Variants in DMXL2 observed in about 807,000 individuals in gnomAD.
DMXL2 encodes the protein Dmx like 2.
In DMXL2, 103 loss-of-function variants were observed where a neutral mutation model predicts 331.1. The ratio of observed to expected loss-of-function variants is 0.31; its 90% CI spans 0.27 to 0.37. The LOEUF is 0.37. Ranked by LOEUF, DMXL2 falls within the 10% of genes least tolerant of loss-of-function variation. The pLI, the probability that DMXL2 is intolerant of heterozygous loss-of-function variation, is 1.00. For synonymous variants in DMXL2, 1,281 were observed against 1,252.1 expected (o/e 1.02, Z -0.49); for missense variants, 3,171 against 3,642.9 (o/e 0.87, Z 3.33).
chr15:51,462,312 C>T lies in DMXL2; in HGVS notation c.7926+1067G>A, dbSNP rs117564048. Among the ~76,000 whole-genome samples the T allele has an allele frequency of 9.2e-3, 1,396 of 152,146 alleles. 58 individuals carry two copies. The East Asian group carries it at 0.13, about 14-fold the overall frequency. The stretch of plus-strand genomic sequence containing the variant: ...CTAAGCGAAATATAATTCATTTCTT[C>T]TCTTCTCATTGATTGTGTTTGCCAA... On this transcript the variant is annotated intron_variant, in intron 33 of 43. Coordinates refer to ENST00000560891, the MANE Select transcript of DMXL2 (RefSeq NM_001378457.1).
At chr15:51,557,174 A>G (rs1367374638) in intron 6 of DMXL2, among the ~76,000 whole-genome samples, 1 of 152,210 alleles carries the variant, frequency 6.6e-6, no homozygotes, top group African/African-American at 2.4e-5. Context: ...GAATTATTAG[A>G]ATTAATGAGT....
At position 51,542,472 on chromosome 15, in the gene DMXL2, C is replaced by T; in HGVS notation, c.966G>A (p.Gln322=). 1 of 1,613,466 alleles carries T rather than the reference C, an allele frequency of 6.2e-7. No individual in the cohort carries two copies. The highest frequency in any genetic ancestry group is 8.5e-7 in the Non-Finnish European group (1 of 1,179,610). Reference sequence around the variant, plus strand: ...GAGTTACAAGAACAGATGACCTCCTCTGTCCTTTCCTTAAATTTTTCAAAT... The same window carrying T: ...GAGTTACAAGAACAGATGACCTCCTTTGTCCTTTCCTTAAATTTTTCAAAT... ...IHHLKNLRKG[Q]RRSSVLVTHA... is the part of the protein sequence containing the mutation. Residue 322 remains glutamine (Q), a synonymous_variant, in exon 9 of 44, where the codon CAG becomes CAA. Transcript: ENST00000560891.
In DMXL2 at chr15:51,456,208, A is replaced by G. The variant is rs559890629; in HGVS notation, c.8399-15T>C. On this transcript the variant is annotated splice_polypyrimidine_tract_variant and intron_variant, in intron 38 of 43. Transcript: ENST00000560891. ...ACCTGTAAGATCTGAAACACAAGAG[A>G]AAAAGCAGGAAATAAGAAATTAAAG... is the stretch of plus-strand genomic sequence containing the variant. 25 of 1,604,678 alleles carry G rather than the reference A, an allele frequency of 1.6e-5. No individual in the cohort carries two copies. In the African/African-American group the frequency reaches 3.0e-4, roughly 19 times the overall value.
intron 33 of DMXL2, among the ~76,000 whole-genome samples, chr15:51,461,985 C>T (rs1048657409): frequency 6.6e-6 from 1 of 152,310 alleles, no homozygotes; most frequent in East Asian, 1.9e-4. Context: ...AACAAAGTCA[C>T]ATCAATAATT....
At chr15:51,540,750 T>C (rs771554305) in intron 9 of DMXL2, among the ~76,000 whole-genome samples, 1 of 152,182 alleles carries the variant, frequency 6.6e-6, no homozygotes, top group Non-Finnish European at 1.5e-5. Context: ...TAAAAATGCA[T>C]GATGTTAAAC....
intron 13 of DMXL2, among the ~76,000 whole-genome samples, chr15:51,519,447 T>A (rs1475969200): frequency 6.6e-5 from 10 of 151,794 alleles, no homozygotes; most frequent in African/African-American, 2.4e-4. Context: ...AACATCAAAG[T>A]AGTTAAAAAA....
In DMXL2 at chr15:51,547,399, G is replaced by C; in HGVS notation, c.577C>G (p.Leu193Val). ...GTCATAGGATACCACACTTTCAAAAGACAATCATCCTGAAAAATACATAGG... is the reference window on the plus strand; with the variant it reads ...GTCATAGGATACCACACTTTCAAAACACAATCATCCTGAAAAATACATAGG... The part of the protein sequence containing the change: ...YFATAGKDDC[L>V]LKVWYPMTGW... The change falls in exon 7 of 44, where the codon CTT becomes GTT. Residue 193 changes from leucine (L) to valine (V), a missense_variant. Coordinates refer to ENST00000560891, the MANE Select transcript of DMXL2 (RefSeq NM_001378457.1). 6.3e-7 allele frequency: 1 copy of C among 1,580,592 alleles called. No homozygotes were observed. The highest frequency in any genetic ancestry group is 1.7e-4 in the Middle Eastern group (1 of 5,882).
chr15:51,561,607 A>G (rs921002328), intron 6 of DMXL2, among the ~76,000 whole-genome samples: 4 of 152,242 alleles, frequency 2.6e-5, no homozygotes, highest in African/African-American at 7.2e-5. Flanking sequence ...GCCAGTGGTT[A>G]TGGAAAACAG....
chr15:51,476,791 A>G (rs2041622142), intron 26 of DMXL2, 72 bp from the exon 27 acceptor site: 1 of 1,247,582 alleles, frequency 8.0e-7, no homozygotes, highest in African/African-American at 1.6e-5. Flanking sequence ...TATATCATCT[A>G]TTTTAGACAC....
At chr15:51,583,063 G>T in intron 1 of DMXL2, among the ~76,000 whole-genome samples, 1 of 145,640 alleles carries the variant, frequency 6.9e-6, no homozygotes. Flanking sequence ...AATGTATCTT[G>T]AAGAACTTTC....
At chr15:51,471,178 AGAT>A (rs2041074023) in intron 29 of DMXL2, 42 bp downstream of exon 29, 1 of 1,552,344 alleles carries the variant, frequency 6.4e-7, no homozygotes, top group East Asian at 2.3e-5. Flanking sequence ...TTAATAAAAT[AGAT>A]GATAGACTTC....
At position 51,464,583 on chromosome 15, in the gene DMXL2, G is replaced by C. The variant is rs915278311; in HGVS notation, c.7808+92C>G. On this transcript the variant is annotated intron_variant, in intron 32 of 43. Coordinates refer to ENST00000560891, the MANE Select transcript of DMXL2 (RefSeq NM_001378457.1). ...AATAGGACTGCAGGTTCAAAATTAT[G>C]AATGTTTTAAAGTATATTGGCATAT... is the stretch of plus-strand genomic sequence containing the variant. 5.8e-6 allele frequency: 6 copies of C among 1,035,006 alleles called. No homozygotes were observed. The African/African-American group carries it at 9.7e-5, about 17-fold the overall frequency. 64.1% of individuals were successfully genotyped at this position (1,035,006 alleles called of 1,614,324 possible). A position where few individuals can be genotyped will look rare whatever the true frequency, so the allele number is the denominator to read the frequency against.
intron 1 of DMXL2, among the ~76,000 whole-genome samples, chr15:51,616,352 GA>G (rs1295561670): frequency 2.0e-5 from 3 of 148,294 alleles, no homozygotes; most frequent in Non-Finnish European, 3.0e-5. Flanking sequence ...GCAGGCAAAC[GA>G]AAAAAAAAGA....
chr15:51,475,580 T>C (rs1375517891), intron 27 of DMXL2, among the ~76,000 whole-genome samples: 1 of 151,362 alleles, frequency 6.6e-6, no homozygotes, highest in Non-Finnish European at 1.5e-5. Context: ...AAAAAACAAC[T>C]GGCTGGTACT....
chr15:51,499,807 G>C lies in DMXL2; in HGVS notation c.3417C>G (p.Val1139=), dbSNP rs781265935. 1 of 1,614,030 alleles carries C rather than the reference G, an allele frequency of 6.2e-7. No homozygotes were observed. Among genetic ancestry groups the C allele is most frequent in the Admixed American group, 1.7e-5 (1 of 60,008 alleles). The change falls in exon 18 of 44, where the codon GTC becomes GTG. Residue 1139 remains valine (V), a synonymous_variant. Transcript: ENST00000560891. ...VKVGSVLDSR[V]SVDSNLFVYS... ...ACACAAACAGATTACTGTCGACGCTGACCCTTGAATCAAGTACACTCCCAA... is the reference window on the plus strand; with the variant it reads ...ACACAAACAGATTACTGTCGACGCTCACCCTTGAATCAAGTACACTCCCAA...
chr15:51,464,703 T>C lies in DMXL2; in HGVS notation c.7780A>G (p.Met2594Val), dbSNP rs1274403478. 4.3e-6 allele frequency: 7 copies of C among 1,614,154 alleles called. No homozygotes were observed. Among genetic ancestry groups the C allele is most frequent in the Admixed American group, 3.3e-5 (2 of 60,032 alleles). ...AGPAILRNKA[M>V]LEPENTPFKS... ...AATGGGGTATTTTCAGGTTCTAGCA[T>C]TGCTTTATTTCGAAGAATAGCTGGT... Residue 2594 changes from methionine (M) to valine (V), a missense_variant, in exon 32 of 44, where the codon ATG (methionine) becomes GTG (valine). Physicochemically the swap from Met to Val is conservative, Grantham distance 21 (BLOSUM62 1). Around this residue, in one of 7 missense-constraint regions of DMXL2, gnomAD observed 766 missense variants for 940.5 expected, o/e 0.81. Transcript: ENST00000560891.
chr15:51,452,822 G>A (rs895003430), intron 41 of DMXL2, among the ~76,000 whole-genome samples: 2 of 152,160 alleles, frequency 1.3e-5, no homozygotes, highest in Non-Finnish European at 2.9e-5. Context: ...ATTCACAATT[G>A]CAAAACTATG....
rs569849948 is a variant in DMXL2 at position 51,533,834 on chromosome 15, G to C, written c.2436+1829C>G. On this transcript the variant is annotated intron_variant, in intron 13 of 43. Transcript: ENST00000560891. ...ACTGCTAGGCTCTTTCTTCAGACCT[G>C]CCTATTTATCATATTAATAACTGAC... is the stretch of plus-strand genomic sequence containing the variant. 3.3e-5 allele frequency among the ~76,000 whole-genome samples: 5 copies of C among 152,264 alleles called. No individual in the cohort carries two copies. In the South Asian group the frequency reaches 1.0e-3, roughly 32 times the overall value.
chr15:51,487,932 T>C lies in DMXL2; in HGVS notation c.5217+22A>G, dbSNP rs781583661. 2.9e-5 allele frequency: 45 copies of C among 1,573,556 alleles called. 1 individual carries two copies. The East Asian group carries it at 5.2e-4, about 18-fold the overall frequency. On this transcript the variant is annotated intron_variant, in intron 22 of 43. Coordinates refer to ENST00000560891, the MANE Select transcript of DMXL2 (RefSeq NM_001378457.1). ...TTTTCAATCTTTTACAAGTATTATA[T>C]AGTGTGTTTTCTTATTTATACCTCT...
Sources: gnomAD v4.1 joint callset for allele counts (sites outside exome capture counted in the v4.1 genomes callset) on GRCh38, gnomAD v4.1.1 for gene constraint, gnomAD v4.1.1 regional missense constraint, MANE v1.5 for transcripts, NCBI Gene and HGNC (gene_info 2026-07-23, HGNC 2026-07-21) for gene names.